The following GRIN1 variants were observed in gnomAD, a reference collection of about 807,000 sequenced individuals.
GRIN1 encodes the protein glutamate ionotropic receptor NMDA type subunit 1, also known as glutamate receptor ionotropic, NMDA 1.
A neutral mutation model predicts 103.0 loss-of-function variants in GRIN1; 38 were observed. The ratio of observed to expected loss-of-function variants is 0.37; its 90% confidence interval spans 0.28 to 0.48. The LOEUF (loss-of-function observed/expected upper bound fraction) is 0.48. Among genes scored for constraint, GRIN1 ranks in the 20% least tolerant of loss-of-function variants. GRIN1 has a pLI of 0.98. For missense variants in GRIN1, 577 were observed against 1,288.9 expected (o/e 0.45, Z 8.46); for synonymous variants, 544 against 532.7 (o/e 1.02, Z -0.29).
At chr9:137,141,177 C>T (rs1029270938) in intron 1 of GRIN1, among the ~76,000 whole-genome samples, 3 of 152,210 alleles carry the variant, frequency 2.0e-5, no homozygotes, top group South Asian at 2.1e-4. Context: ...TGTCCTGCCA[C>T]GTGGGGCCAT....
chr9:137,147,298 C>G (rs1832595810), intron 3 of GRIN1, among the ~76,000 whole-genome samples: 1 of 151,976 alleles, frequency 6.6e-6, no homozygotes, highest in South Asian at 2.1e-4. Flanking sequence ...ACACACACAC[C>G]TGGACACGCA....
rs1304926075 is a variant in GRIN1, at chr9:137,167,876, C to T, written c.*349C>T. ...GAGGCGCCCACCTGCCCAGTTAGCC[C>T]GGCCAAGGACACTGATGGGTCCTGC... On this transcript the variant is annotated 3_prime_UTR_variant, in exon 20 of 20. Coordinates refer to ENST00000371561, the MANE Select transcript of GRIN1 (RefSeq NM_007327.4). 1.9e-6 allele frequency: 3 copies of T among 1,585,310 alleles called. No homozygotes were observed. Among genetic ancestry groups the T allele is most frequent in the East Asian group, 2.2e-5 (1 of 44,746 alleles).
rs571742951 is a variant in GRIN1 at position 137,144,450 on chromosome 9, C to G, written c.394-1276C>G. Reference sequence around the variant, plus strand: ...CGGGCGGATCACGAGGTCAGGAGATCGAGACCATCCTGGCTAATACGGTGA... The same window carrying G: ...CGGGCGGATCACGAGGTCAGGAGATGGAGACCATCCTGGCTAATACGGTGA... On this transcript the variant is annotated intron_variant, in intron 2 of 19. Transcript: ENST00000371561. 1.7e-4 allele frequency among the ~76,000 whole-genome samples: 26 copies of G among 151,436 alleles called. 1 individual carries two copies. The highest frequency in any genetic ancestry group is 3.4e-3 in the Middle Eastern group (1 of 292).
In GRIN1 at chr9:137,167,967, TCCGC is replaced by T. The variant is rs1275782970; in HGVS notation, c.*447_*450del. The T allele has an allele frequency of 2.2e-4, 184 of 846,566 alleles. 1 individual carries two copies. Among genetic ancestry groups the T allele is most frequent in the Middle Eastern group, 3.3e-4 (1 of 3,046 alleles). The allele number at this position is 846,566 out of a possible 1,614,324, so 52.4% of individuals were successfully genotyped here. A position where few individuals can be genotyped will look rare whatever the true frequency, so the allele number is the denominator to read the frequency against. On this transcript the variant is annotated 3_prime_UTR_variant, in exon 20 of 20. Coordinates refer to ENST00000371561, the MANE Select transcript of GRIN1 (RefSeq NM_007327.4). ...CTGCCCACCCTGGGCCTCCCGTCCGTCCGCCCGCCCACCCCGCTGCCTGGCGGGC... is the reference window on the plus strand; with the variant it reads ...CTGCCCACCCTGGGCCTCCCGTCCGTCCGCCCACCCCGCTGCCTGGCGGGC...
chr9:137,162,399 C>T lies in GRIN1; in HGVS notation c.1752-5C>T, dbSNP rs766065798. 3.1e-6 allele frequency: 5 copies of T among 1,601,248 alleles called. No homozygotes were observed. Among genetic ancestry groups the T allele is most frequent in the South Asian group, 2.2e-5 (2 of 90,834 alleles). On this transcript the variant is annotated splice_region_variant and splice_polypyrimidine_tract_variant and intron_variant, in intron 12 of 19. Coordinates refer to ENST00000371561, the MANE Select transcript of GRIN1 (RefSeq NM_007327.4). Reference sequence around the variant, plus strand: ...TCTCTCCCGCCCGCCCTCTGCGCCCCGCAGCCCCTTCGGCCGGTTCAAGGT... The same window carrying T: ...TCTCTCCCGCCCGCCCTCTGCGCCCTGCAGCCCCTTCGGCCGGTTCAAGGT...
chr9:137,144,486 C>G (rs1422151432), intron 2 of GRIN1, among the ~76,000 whole-genome samples: 6 of 151,820 alleles, frequency 4.0e-5, no homozygotes, highest in African/African-American at 1.2e-4. Context: ...AACCCCATCT[C>G]CACTAAAAAT....
rs1240984301 is a variant in GRIN1 at position 137,161,217 on chromosome 9, C to A, written c.1339+20C>A. ...GCAGCCGTGAGTGCGCGGGGCAGGG[C>A]GCGGGGCGCGGGGCAGGGCGCGGGG... On this transcript the variant is annotated intron_variant, in intron 9 of 19. Transcript: ENST00000371561. 1.2e-6 allele frequency: 2 copies of A among 1,602,458 alleles called. No individual in the cohort carries two copies. The highest frequency in any genetic ancestry group is 3.4e-5 in the Admixed American group (2 of 58,782).
chr9:137,142,207 C>G (rs946759038), intron 2 of GRIN1, 60 bp downstream of exon 2: 5 of 1,589,768 alleles, frequency 3.1e-6, no homozygotes, highest in Non-Finnish European at 4.3e-6. Context: ...AGCCTGGCCA[C>G]TCCAGGAGCA....
intron 4 of GRIN1, among the ~76,000 whole-genome samples, chr9:137,153,348 A>G (rs1449061947): frequency 2.0e-5 from 3 of 152,036 alleles, no homozygotes; most frequent in Admixed American, 2.0e-4. Flanking sequence ...AGAATTGTGT[A>G]TAGGTCATAC....
At chr9:137,144,728 G>GGT in intron 2 of GRIN1, among the ~76,000 whole-genome samples, 1 of 106,252 alleles carries the variant, frequency 9.4e-6, no homozygotes. Flanking sequence ...GTGTCCCCAG[G>GGT]GGTGTGGGGA....
At chr9:137,160,636 T>C (rs1453001979) in intron 8 of GRIN1, among the ~76,000 whole-genome samples, 2 of 152,166 alleles carry the variant, frequency 1.3e-5, no homozygotes, top group African/African-American at 4.8e-5. Flanking sequence ...TTCACCGTGT[T>C]AGCCAGGATG....
In GRIN1 at chr9:137,158,402, C is replaced by T. The variant is rs201324316; in HGVS notation, c.992C>T (p.Ala331Val). 1.2e-5 allele frequency: 19 copies of T among 1,613,362 alleles called. No homozygotes were observed. The highest frequency in any genetic ancestry group is 2.2e-5 in the East Asian group (1 of 44,894). ...AGAGTGCTGATGTCTTCCAAGTATG[C>T]GGATGGGGTGACTGGTCGCGTGGAG... ...FKRVLMSSKY[A>V]DGVTGRVEFN... Residue 331 changes from alanine (A) to valine (V), a missense_variant, in exon 7 of 20, where the codon GCG becomes GTG. By Grantham distance (64) the Ala-to-Val change is moderately conservative (BLOSUM62 0). Coordinates refer to ENST00000371561, the MANE Select transcript of GRIN1 (RefSeq NM_007327.4).
rs939350327 is a variant in GRIN1 at position 137,162,168 on chromosome 9, G to C, written c.1633-4G>C. The C allele has an allele frequency of 6.5e-7, 1 of 1,544,352 alleles. No homozygotes were observed. Among genetic ancestry groups the C allele is most frequent in the African/African-American group, 1.4e-5 (1 of 73,038 alleles). ...GGCCGCGCTGACCTCGCGTCCCTCC[G>C]CAGGAGATTCCCCGGAGCACGCTGG... On this transcript the variant is annotated splice_polypyrimidine_tract_variant and splice_region_variant and intron_variant, in intron 11 of 19. Coordinates refer to ENST00000371561, the MANE Select transcript of GRIN1 (RefSeq NM_007327.4).
In GRIN1 at chr9:137,149,103, C is replaced by T. The variant is rs200951749; in HGVS notation, c.665C>T (p.Ser222Phe). Reference protein sequence around the residue: ...KELEARVIILSASEDDAATVY... With the variant: ...KELEARVIILFASEDDAATVY... The stretch of plus-strand genomic sequence containing the variant: ...CTGGAGGCCCGGGTCATCATCCTTT[C>T]TGCCAGGTGAGGCTGGGCAGGGCCC... Residue 222 changes from serine to phenylalanine, a missense_variant, in exon 4 of 20, where the codon TCT becomes TTT. By Grantham distance (155) the Ser-to-Phe change is radical. Transcript: ENST00000371561. 2 of 1,605,304 alleles carry T rather than the reference C, an allele frequency of 1.2e-6. No homozygotes were observed. Among genetic ancestry groups the T allele is most frequent in the Non-Finnish European group, 1.7e-6 (2 of 1,174,132 alleles).
chr9:137,150,273 G>A (rs1476163811), intron 4 of GRIN1, among the ~76,000 whole-genome samples: 1 of 152,100 alleles, frequency 6.6e-6, no homozygotes, highest in Non-Finnish European at 1.5e-5. Context: ...AAAGTCCCAA[G>A]GGTATGCACA....
intron 16 of GRIN1, 38 bp from the exon 17 acceptor site, chr9:137,163,521 C>CCCCG: frequency 8.0e-7 from 1 of 1,247,138 alleles, no homozygotes; most frequent in Non-Finnish European, 1.2e-6. Flanking sequence ...CCGTCCTGGG[C>CCCCG]CCCGCCTCAC....
At chr9:137,153,300 C>T (rs1833018397) in intron 4 of GRIN1, among the ~76,000 whole-genome samples, 1 of 150,868 alleles carries the variant, frequency 6.6e-6, no homozygotes, top group African/African-American at 2.4e-5. Context: ...TGTACACACA[C>T]CATAGTCACA....
chr9:137,163,049 A>G, intron 15 of GRIN1, 46 bp downstream of exon 15: 1 of 811,518 alleles, frequency 1.2e-6, no homozygotes, highest in Non-Finnish European at 1.9e-6. Context: ...AGGTGCGGGG[A>G]GGGGGAGGGT....
chr9:137,162,135 AG>A, intron 11 of GRIN1, 36 bp from the exon 12 acceptor site: 1 of 1,539,420 alleles, frequency 6.5e-7, no homozygotes, highest in Non-Finnish European at 8.8e-7. Flanking sequence ...GAGTCCCTGG[AG>A]GGCCCGGGCC....
Sources: allele counts gnomAD v4.1 joint callset (sites outside exome capture counted in the v4.1 genomes callset), GRCh38; gene constraint gnomAD v4.1.1; transcripts MANE v1.5; gene names NCBI Gene and HGNC (gene_info 2026-07-23, HGNC 2026-07-21).